Variants in MTA3 observed in about 807,000 individuals in gnomAD.
MTA3 encodes the protein metastasis associated 1 family member 3.
MTA3 carries 34 observed loss-of-function variants against 83.5 expected under a neutral mutation model. The observed-to-expected ratio is 0.41, with a 90% CI of 0.31 to 0.54. The LOEUF (loss-of-function observed/expected upper bound fraction) is 0.54, where lower values mean the gene tolerates loss of function less well. Ranked by LOEUF, MTA3 falls within the 20% of genes least tolerant of loss-of-function variation. MTA3 has a pLI of 0.33. For synonymous variants in MTA3, 303 were observed against 252.7 expected (o/e 1.20, Z -1.89); for missense variants, 761 against 726.4 (o/e 1.05, Z -0.55).
chr2:42,711,769 T>C (rs1666628735), intron 14 of MTA3, among the ~76,000 whole-genome samples: 3 of 140,376 alleles, frequency 2.1e-5, no homozygotes, highest in Non-Finnish European at 3.1e-5. Context: ...TGGGAGTGTA[T>C]AGGAGAGAGA....
At chr2:42,695,687 A>G in intron 9 of MTA3, 78 bp from the exon 10 acceptor site, 3 of 530,164 alleles carry the variant, frequency 5.7e-6, no homozygotes, top group Non-Finnish European at 9.4e-6. Flanking sequence ...TAAGGAAAGT[A>G]CTTTCTATAG....
intron 6 of MTA3, among the ~76,000 whole-genome samples, chr2:42,654,261 G>A (rs906614069): frequency 2.0e-5 from 3 of 152,186 alleles, no homozygotes; most frequent in Non-Finnish European, 2.9e-5. Flanking sequence ...CAGATGGAAT[G>A]CCTGCTTCTG....
At chr2:42,711,771 GGAGAGA>G (rs111819056) in intron 14 of MTA3, among the ~76,000 whole-genome samples, 19 of 44,646 alleles carry the variant, frequency 4.3e-4, no homozygotes, top group South Asian at 3.9e-3. Context: ...GGAGTGTATA[GGAGAGA>G]GAGAGAGTGT....
intron 12 of MTA3, 119 bp from the exon 13 acceptor site, chr2:42,707,783 TG>T: frequency 8.9e-7 from 1 of 1,125,936 alleles, no homozygotes; most frequent in Non-Finnish European, 1.2e-6. Context: ...GCTTGTAAGC[TG>T]GGAACAATAA....
At chr2:42,745,279 T>A (rs1229566161) in intron 16 of MTA3, among the ~76,000 whole-genome samples, 1 of 152,200 alleles carries the variant, frequency 6.6e-6, no homozygotes, top group African/African-American at 2.4e-5. Flanking sequence ...GAAGACCCTT[T>A]CCGTAATGTT....
intron 16 of MTA3, among the ~76,000 whole-genome samples, chr2:42,743,870 A>T (rs1261711653): frequency 2.0e-5 from 3 of 152,120 alleles, no homozygotes; most frequent in African/African-American, 7.2e-5. Context: ...GGGACAGCTG[A>T]TGGCACTCCT....
chr2:42,695,634 C>CAAAAAAAAAAAAAAAAAAAAAAAA (rs70963347), intron 9 of MTA3, 131 bp from the exon 10 acceptor site: 1 of 124,588 alleles, frequency 8.0e-6, no homozygotes, highest in African/African-American at 8.8e-5. Flanking sequence ...CAGTCTATCT[C>CAAAAAAAAAAAAAAAAAAAAAAAA]AAAAAAAAAA....
intron 2 of MTA3, among the ~76,000 whole-genome samples, chr2:42,561,511 C>T (rs1202430151): frequency 2.0e-5 from 3 of 151,802 alleles, no homozygotes; most frequent in Admixed American, 6.6e-5. Flanking sequence ...TTAGTAGAGA[C>T]GGGGTTTCAC....
intron 2 of MTA3, among the ~76,000 whole-genome samples, chr2:42,524,472 G>GTGTTTTTTTTTTT (rs1553337451): frequency 9.9e-5 from 7 of 70,656 alleles, no homozygotes; most frequent in African/African-American, 2.9e-4. Flanking sequence ...GGCTAGTTGT[G>GTGTTTTTTTTTTT]TTTTTTTTTT....
At chr2:42,520,725 C>T (rs917161493) in intron 2 of MTA3, among the ~76,000 whole-genome samples, 3 of 152,002 alleles carry the variant, frequency 2.0e-5, no homozygotes, top group Admixed American at 2.0e-4. Flanking sequence ...ACCACCACAC[C>T]GGGCTAATTT....
intron 2 of MTA3, among the ~76,000 whole-genome samples, chr2:42,578,871 T>A (rs1679320809): frequency 6.6e-6 from 1 of 152,148 alleles, no homozygotes. Flanking sequence ...GTCTAATCAG[T>A]TTAGTTTAAT....
chr2:42,573,353 C>T (rs1678699266), intron 2 of MTA3, among the ~76,000 whole-genome samples: 1 of 152,074 alleles, frequency 6.6e-6, no homozygotes, highest in Non-Finnish European at 1.5e-5. Context: ...TTATTTTATT[C>T]CAGAGACAGG....
In MTA3 at chr2:42,563,481, T is replaced by G. The variant is rs1030411307; in HGVS notation, c.-140-6956T>G. On this transcript the variant is annotated intron_variant, in intron 2 of 17. Transcript: ENST00000405592. Reference sequence around the variant, plus strand: ...GACCAACCATTTATTTTTATTTATTTTTTTGAGACGAAGTCTCACTTTTCG... The same window carrying G: ...GACCAACCATTTATTTTTATTTATTGTTTTGAGACGAAGTCTCACTTTTCG... Among the ~76,000 whole-genome samples the G allele has an allele frequency of 2.4e-4, 36 of 152,280 alleles. 1 individual carries two copies. Among genetic ancestry groups the G allele is most frequent in the African/African-American group, 8.7e-4 (36 of 41,556 alleles).
intron 2 of MTA3, among the ~76,000 whole-genome samples, chr2:42,508,864 TATATA>T (rs958928970): frequency 7.0e-6 from 1 of 143,594 alleles, no homozygotes; most frequent in African/African-American, 2.7e-5. Context: ...TTAAATATAT[TATATA>T]ATATATTATA....
Position 42,497,605 on chromosome 2 carries a change from G to C in MTA3, c.-141+2351G>C, listed in dbSNP as rs1674205340. 2.0e-5 allele frequency among the ~76,000 whole-genome samples: 3 copies of C among 151,238 alleles called. No individual in the cohort carries two copies. In the South Asian group the frequency reaches 6.3e-4, roughly 32 times the overall value. On this transcript the variant is annotated intron_variant, in intron 2 of 17. Transcript: ENST00000405592. ...ATCTCAAAAAAAAAAAAAAAGTCCAGATTGTCTATAGGGCTCTCTCTAGGC... is the reference window on the plus strand; with the variant it reads ...ATCTCAAAAAAAAAAAAAAAGTCCACATTGTCTATAGGGCTCTCTCTAGGC...
chr2:42,553,148 G>A (rs911122876), intron 2 of MTA3, among the ~76,000 whole-genome samples: 9 of 151,442 alleles, frequency 5.9e-5, no homozygotes, highest in South Asian at 4.2e-4. Context: ...TGGGTGGGCC[G>A]GGCGCAGTGG....
chr2:42,736,707 C>A (rs898797642), intron 16 of MTA3, among the ~76,000 whole-genome samples: 1 of 152,154 alleles, frequency 6.6e-6, no homozygotes, highest in Non-Finnish European at 1.5e-5. Context: ...CTCCTCATAG[C>A]CACCCACCTG....
intron 3 of MTA3, among the ~76,000 whole-genome samples, chr2:42,607,399 A>T (rs1432868094): frequency 6.6e-6 from 1 of 152,166 alleles, no homozygotes; most frequent in Non-Finnish European, 1.5e-5. Flanking sequence ...ATTTATTTCG[A>T]CATAGGGTCT....
chr2:42,570,648 C>T, intron 2 of MTA3, 144 bp downstream of exon 2: 1 of 455,614 alleles, frequency 2.2e-6, no homozygotes, highest in Non-Finnish European at 4.0e-6. Context: ...AGCTTGAGCC[C>T]AGGAGTTGGA....
Sources: allele counts gnomAD v4.1 joint callset (sites outside exome capture counted in the v4.1 genomes callset), GRCh38; gene constraint gnomAD v4.1.1; transcripts MANE v1.5; gene names NCBI Gene and HGNC (gene_info 2026-07-23, HGNC 2026-07-21).